YWHAZ: variants seen among roughly 807,000 people sequenced by gnomAD.
The protein encoded by YWHAZ is tyrosine 3-monooxygenase/tryptophan 5-monooxygenase activation protein zeta.
For synonymous variants in YWHAZ, 87 were observed against 103.6 expected (o/e 0.84, Z 0.97); for missense variants, 79 against 284.8 (o/e 0.28, Z 5.20).
At chr8:100,941,733 C>G (rs1055126182) in intron 2 of YWHAZ, among the ~76,000 whole-genome samples, 1 of 150,526 alleles carries the variant, frequency 6.6e-6, no homozygotes, top group Admixed American at 6.6e-5. Context: ...TGCAGTGAGG[C>G]GAGATTGTGC....
In YWHAZ at chr8:100,918,443, T is replaced by TATATAA. The variant is rs1417316114; in HGVS notation, c.*2249_*2250insTTATAT. 14 of 117,052 alleles carry TATATAA rather than the reference T, an allele frequency of 1.2e-4. 1 individual carries two copies. Among genetic ancestry groups the TATATAA allele is most frequent in the African/African-American group, 3.0e-4 (9 of 29,658 alleles). 7.3% of individuals were successfully genotyped at this position (117,052 alleles called of 1,614,324 possible). The stretch of plus-strand genomic sequence containing the variant: ...ATATATATATATATATATATATATA[T>TATATAA]AATTATTTTACCTCCTTGGCTTGGG... On this transcript the variant is annotated 3_prime_UTR_variant, in exon 6 of 6. Transcript: ENST00000395958.
Position 100,950,663 on chromosome 8 carries a change from G to C in YWHAZ, c.-12+1266C>G, listed in dbSNP as rs910044686. 1.3e-4 allele frequency: 114 copies of C among 910,004 alleles called. 1 individual carries two copies. In the South Asian group the frequency reaches 3.7e-3, roughly 30 times the overall value. The allele number at this position is 910,004 out of a possible 1,614,324, so 56.4% of individuals were successfully genotyped here. ...CGCGCCCCCGCCCAAGCCGTGGGGG[G>C]GGGGGAGAGATGGGGAGCGAAGCCG... On this transcript the variant is annotated intron_variant, in intron 1 of 5. Transcript: ENST00000395958.
intron 2 of YWHAZ, among the ~76,000 whole-genome samples, chr8:100,938,103 C>T (rs1814295983): frequency 6.6e-6 from 1 of 152,168 alleles, no homozygotes; most frequent in Non-Finnish European, 1.5e-5. Context: ...GTACTCCAGC[C>T]TGGGCAACAA....
chr8:100,950,458 A>G (rs979626064), intron 1 of YWHAZ: 10 of 985,418 alleles, frequency 1.0e-5, no homozygotes, highest in Middle Eastern at 5.2e-4. Context: ...CCCGGACTTT[A>G]AAGTGCAAAT....
chr8:100,929,268 C>T lies in YWHAZ; in HGVS notation c.295-4229G>A, dbSNP rs151195185. Among the ~76,000 whole-genome samples the T allele has an allele frequency of 9.5e-3, 1,404 of 147,716 alleles. 20 individuals carry two copies. The highest frequency in any genetic ancestry group is 0.032 in the African/African-American group (1,281 of 39,540). On this transcript the variant is annotated intron_variant, in intron 2 of 5. Transcript: ENST00000395958. The stretch of plus-strand genomic sequence containing the variant: ...AGGCTGGGGTGCAGTGGCGCAATGT[C>T]GGCTCACTGCAACCTCCTCCTCCTG...
intron 2 of YWHAZ, among the ~76,000 whole-genome samples, chr8:100,944,188 A>G (rs550798626): frequency 6.6e-6 from 1 of 152,140 alleles, no homozygotes; most frequent in East Asian, 1.9e-4. Flanking sequence ...CCTTATTCCA[A>G]TGAGCTGTCT....
At chr8:100,950,680 G>T in intron 1 of YWHAZ, 1 of 868,954 alleles carries the variant, frequency 1.2e-6, no homozygotes, top group Non-Finnish European at 1.4e-6. Context: ...GAGATGGGGA[G>T]CGAAGCCGCC....
At chr8:100,920,807 G>GC (rs1232845799) in intron 5 of YWHAZ, 55 bp from the exon 6 acceptor site, 4 of 493,958 alleles carry the variant, frequency 8.1e-6, no homozygotes, top group Admixed American at 2.6e-5. Flanking sequence ...GGGGGGGGGG[G>GC]GCGTTTTCAT....
intron 1 of YWHAZ, chr8:100,951,470 T>C (rs1349463432): frequency 2.0e-6 from 2 of 978,506 alleles, no homozygotes; most frequent in Non-Finnish European, 2.4e-6. Flanking sequence ...GCCACTGCGA[T>C]GCCCGCCGCC....
chr8:100,924,875 ATCTTATACAAGTTC>A lies in YWHAZ; in HGVS notation c.418+27_418+40del. On this transcript the variant is annotated intron_variant, in intron 3 of 5. Coordinates refer to ENST00000395958, the MANE Select transcript of YWHAZ (RefSeq NM_145690.3). This position sits in a 1 kb window ranked among gnomAD's most constrained non-coding sequence, Gnocchi z 5.7. Reference sequence around the variant, plus strand: ...TTCAGAGACTCTTCCTCACTATGTTATCTTATACAAGTTCAACCAACAGGTTTAAAAACAGCATA... The same window carrying A: ...TTCAGAGACTCTTCCTCACTATGTTAAACCAACAGGTTTAAAAACAGCATA... 3 of 1,610,162 alleles carry A rather than the reference ATCTTATACAAGTTC, an allele frequency of 1.9e-6. No individual in the cohort carries two copies. The highest frequency in any genetic ancestry group is 2.5e-6 in the Non-Finnish European group (3 of 1,179,064).
At chr8:100,945,263 A>G (rs1810184038) in intron 2 of YWHAZ, among the ~76,000 whole-genome samples, 1 of 152,264 alleles carries the variant, frequency 6.6e-6, no homozygotes, top group Non-Finnish European at 1.5e-5. Context: ...AATATGCAAC[A>G]TGGTCCAAGC....
chr8:100,936,620 G>A (rs1249598950), intron 2 of YWHAZ, among the ~76,000 whole-genome samples: 1 of 152,144 alleles, frequency 6.6e-6, no homozygotes, highest in East Asian at 1.9e-4. Flanking sequence ...GGCCAACATG[G>A]TGAAACCCCA....
chr8:100,924,888 TCAAC>T lies in YWHAZ; in HGVS notation c.418+24_418+27del, dbSNP rs780064836. ...CCTCACTATGTTATCTTATACAAGT[TCAAC>T]CAACAGGTTTAAAAACAGCATACCT... On this transcript the variant is annotated intron_variant, in intron 3 of 5. Transcript: ENST00000395958. This position sits in a 1 kb window ranked among gnomAD's most constrained non-coding sequence, Gnocchi z 5.7. The T allele has an allele frequency of 6.5e-5, 104 of 1,610,994 alleles. No individual in the cohort carries two copies. The South Asian group carries it at 1.0e-3, about 16-fold the overall frequency.
At chr8:100,921,643 C>T (rs1813034453) in intron 5 of YWHAZ, among the ~76,000 whole-genome samples, 1 of 152,232 alleles carries the variant, frequency 6.6e-6, no homozygotes, top group Non-Finnish European at 1.5e-5. Context: ...AATCGCAGCT[C>T]TTGCCATTAC....
intron 2 of YWHAZ, among the ~76,000 whole-genome samples, chr8:100,926,817 A>G (rs1015876207): frequency 6.6e-6 from 1 of 151,864 alleles, no homozygotes; most frequent in African/African-American, 2.4e-5. Flanking sequence ...ACAGTGGAAG[A>G]CACTTGCATT....
intron 2 of YWHAZ, among the ~76,000 whole-genome samples, chr8:100,934,157 C>CAAAAAAA (rs35069019): frequency 6.4e-5 from 5 of 78,200 alleles, no homozygotes; most frequent in African/African-American, 1.5e-4. Flanking sequence ...AGACTCGTCT[C>CAAAAAAA]AAAAAAAAAA....
chr8:100,936,272 A>C (rs1814139762), intron 2 of YWHAZ, among the ~76,000 whole-genome samples: 1 of 152,258 alleles, frequency 6.6e-6, no homozygotes, highest in Admixed American at 6.5e-5. Flanking sequence ...CTTTGGCAAA[A>C]TAATTTAGTT....
chr8:100,939,905 C>A (rs1814502276), intron 2 of YWHAZ, among the ~76,000 whole-genome samples: 1 of 151,844 alleles, frequency 6.6e-6, no homozygotes, highest in African/African-American at 2.4e-5. Flanking sequence ...CACCTGTAGT[C>A]CCAGCTACTA....
intron 2 of YWHAZ, among the ~76,000 whole-genome samples, chr8:100,944,111 T>C (rs1308403355): frequency 6.6e-6 from 1 of 152,072 alleles, no homozygotes; most frequent in Non-Finnish European, 1.5e-5. Context: ...CATGTAAATA[T>C]ACAGTATATC....
Sources: gnomAD v4.1 joint callset for allele counts (sites outside exome capture counted in the v4.1 genomes callset) on GRCh38, gnomAD v4.1.1 for gene constraint, Gnocchi (gnomAD v3.1) non-coding constraint, MANE v1.5 for transcripts, NCBI Gene and HGNC (gene_info 2026-07-23, HGNC 2026-07-21) for gene names.